The following PCYT1A variants were observed in gnomAD, a reference collection of about 807,000 sequenced individuals.
PCYT1A encodes phosphate cytidylyltransferase 1A, choline.
A neutral mutation model predicts 43.7 loss-of-function variants in PCYT1A; 25 were observed. The ratio of observed to expected loss-of-function variants is 0.57; its 90% CI spans 0.42 to 0.80. PCYT1A has a LOEUF of 0.80. PCYT1A is among the 30% of genes least tolerant of loss of function. The pLI is 0.00. For synonymous variants in PCYT1A, 172 were observed against 170.7 expected (o/e 1.01, Z -0.06); for missense variants, 421 against 474.2 (o/e 0.89, Z 1.04).
rs1724396083 is a variant in PCYT1A, at chr3:196,242,736, G to A, written c.487-96C>T. 1 of 817,754 alleles carries A rather than the reference G, an allele frequency of 1.2e-6. No homozygotes were observed. The allele number at this position is 817,754 out of a possible 1,614,324, so 50.7% of individuals were successfully genotyped here. ...GCCCAGAAAAAGGACAATAGGCAGA[G>A]GCCAGGCCTCAGTGGACTTCATATC... is the stretch of plus-strand genomic sequence containing the variant. On this transcript the variant is annotated intron_variant, in intron 5 of 8. Coordinates refer to ENST00000431016, the MANE Select transcript of PCYT1A (RefSeq NM_001312673.2). This position sits in a 1 kb window ranked among gnomAD's most constrained non-coding sequence, Gnocchi z 4.2.
chr3:196,269,229 A>C (rs544827893), intron 2 of PCYT1A, among the ~76,000 whole-genome samples: 9 of 152,350 alleles, frequency 5.9e-5, no homozygotes, highest in African/African-American at 2.2e-4. Flanking sequence ...CTTATGATCA[A>C]TATCAGCCCT....
At chr3:196,270,030 C>T (rs147159426) in intron 2 of PCYT1A, among the ~76,000 whole-genome samples, 9,479 of 152,142 alleles carry the variant, frequency 0.062, 364 homozygotes, top group Middle Eastern at 0.12. Flanking sequence ...TGCGCCACCA[C>T]GCCCGGCTAA....
intron 1 of PCYT1A, among the ~76,000 whole-genome samples, chr3:196,274,695 A>G (rs1328414175): frequency 6.6e-6 from 1 of 152,222 alleles, no homozygotes; most frequent in Non-Finnish European, 1.5e-5. Flanking sequence ...CGTCTAAACA[A>G]CTGCAACTGT....
At chr3:196,267,900 A>G (rs987226797) in intron 2 of PCYT1A, among the ~76,000 whole-genome samples, 1 of 152,196 alleles carries the variant, frequency 6.6e-6, no homozygotes, top group African/African-American at 2.4e-5. Flanking sequence ...ATTCAGAGCT[A>G]GAAAGTACAG....
At position 196,247,283 on chromosome 3, in the gene PCYT1A, T is replaced by C; in HGVS notation, c.486+84A>G. 1 of 1,443,710 alleles carries C rather than the reference T, an allele frequency of 6.9e-7. No homozygotes were observed. The highest frequency in any genetic ancestry group is 9.6e-7 in the Non-Finnish European group (1 of 1,038,564). 89.4% of individuals were successfully genotyped at this position (1,443,710 alleles called of 1,614,324 possible). A position where few individuals can be genotyped will look rare whatever the true frequency, so the allele number is the denominator to read the frequency against. ...AGAGGTAGAAGTAAAACACGGCTAG[T>C]GGAAAACCAGCCTACGTGCCAGCAG... is the stretch of plus-strand genomic sequence containing the variant. On this transcript the variant is annotated intron_variant, in intron 5 of 8. Transcript: ENST00000431016. This position sits in a 1 kb window ranked among gnomAD's most constrained non-coding sequence, Gnocchi z 4.8.
chr3:196,242,049 A>G lies in PCYT1A; in HGVS notation c.607T>C (p.Ser203Pro). 6.2e-7 allele frequency: 1 copy of G among 1,614,034 alleles called. No individual in the cohort carries two copies. Among genetic ancestry groups the G allele is most frequent in the Non-Finnish European group, 8.5e-7 (1 of 1,179,970 alleles). ...CGCACAATTCGGGTGATGATGTCTGATGTGGAGATACCTTCTGTCCTCTGT... is the reference window on the plus strand; with the variant it reads ...CGCACAATTCGGGTGATGATGTCTGGTGTGGAGATACCTTCTGTCCTCTGT... ...PTQRTEGIST[S>P]DIITRIVRDY... Residue 203 changes from serine (S) to proline (P), a missense_variant, in exon 7 of 9, where the codon TCA (serine) becomes CCA (proline). By Grantham distance (74) the Ser-to-Pro change is moderately conservative (BLOSUM62 -1). Transcript: ENST00000431016. This position sits in a 1 kb window ranked among gnomAD's most constrained non-coding sequence, Gnocchi z 4.2.
chr3:196,249,314 T>C (rs1724674707), intron 3 of PCYT1A, among the ~76,000 whole-genome samples: 1 of 37,420 alleles, frequency 2.7e-5, no homozygotes, highest in African/African-American at 7.0e-5. Context: ...GCCCAGCTAA[T>C]TTTTTTTTTT....
At chr3:196,244,888 G>A (rs1490650750) in intron 5 of PCYT1A, among the ~76,000 whole-genome samples, 1 of 152,062 alleles carries the variant, frequency 6.6e-6, no homozygotes, top group Non-Finnish European at 1.5e-5. Context: ...GATGCTTGAA[G>A]GCAGCATGCT....
chr3:196,283,754 C>T (rs1468540370), intron 1 of PCYT1A, among the ~76,000 whole-genome samples: 1 of 152,178 alleles, frequency 6.6e-6, no homozygotes, highest in Non-Finnish European at 1.5e-5. Context: ...GGTTCAAGGA[C>T]TTAGGGAAAA....
chr3:196,243,882 T>C (rs1724453347), intron 5 of PCYT1A, among the ~76,000 whole-genome samples: 1 of 152,264 alleles, frequency 6.6e-6, no homozygotes, highest in Non-Finnish European at 1.5e-5. Flanking sequence ...CTCGGCTCGC[T>C]ACAACCTCCA....
chr3:196,279,893 G>A (rs1725707870), intron 1 of PCYT1A, among the ~76,000 whole-genome samples: 1 of 144,226 alleles, frequency 6.9e-6, no homozygotes, highest in African/African-American at 2.6e-5. Flanking sequence ...GGAGTACAAT[G>A]GCACGATCTC....
intron 2 of PCYT1A, 61 bp downstream of exon 2, chr3:196,270,354 C>T: frequency 3.1e-6 from 3 of 962,534 alleles, no homozygotes; most frequent in Non-Finnish European, 5.1e-6. Flanking sequence ...ACATGTAACA[C>T]TGATATCATC....
chr3:196,257,961 ATGAGAG>A, intron 2 of PCYT1A, 74 bp from the exon 3 acceptor site: 1 of 826,238 alleles, frequency 1.2e-6, no homozygotes, highest in Non-Finnish European at 2.0e-6. Context: ...AAAAAAAAAG[ATGAGAG>A]AAAGGAGATT....
chr3:196,262,474 TA>T (rs1475368400), intron 2 of PCYT1A, among the ~76,000 whole-genome samples: 1 of 152,210 alleles, frequency 6.6e-6, no homozygotes, highest in Non-Finnish European at 1.5e-5. Context: ...TTCAGCATGC[TA>T]ACAAAATTAA....
At chr3:196,259,683 A>C (rs1725049728) in intron 2 of PCYT1A, among the ~76,000 whole-genome samples, 2 of 151,736 alleles carry the variant, frequency 1.3e-5, no homozygotes, top group Non-Finnish European at 2.9e-5. Flanking sequence ...GTCTCTACAA[A>C]AAAATACAAA....
At chr3:196,243,751 G>T (rs2108763636) in intron 5 of PCYT1A, among the ~76,000 whole-genome samples, 1 of 152,388 alleles carries the variant, frequency 6.6e-6, no homozygotes, top group Non-Finnish European at 1.5e-5. Context: ...GGCCGGGCTG[G>T]TCTCCAGCTC....
At position 196,238,504 on chromosome 3, in the gene PCYT1A, G is replaced by C; in HGVS notation, c.*184C>G. 1 of 439,796 alleles carries C rather than the reference G, an allele frequency of 2.3e-6. No homozygotes were observed. 27.2% of individuals were successfully genotyped at this position (439,796 alleles called of 1,614,324 possible). On this transcript the variant is annotated 3_prime_UTR_variant, in exon 9 of 9. Transcript: ENST00000431016. Reference sequence around the variant, plus strand: ...AGGTGCAGTCCCCCTCCTTCGTGTGGGTGAGTGATGTCACTTGCAGGACAG... The same window carrying C: ...AGGTGCAGTCCCCCTCCTTCGTGTGCGTGAGTGATGTCACTTGCAGGACAG...
chr3:196,253,163 C>G (rs986545652), intron 3 of PCYT1A, among the ~76,000 whole-genome samples: 3 of 151,902 alleles, frequency 2.0e-5, no homozygotes, highest in African/African-American at 4.8e-5. Flanking sequence ...ATGGTGAAAC[C>G]CTGTGTCTAC....
chr3:196,251,998 C>T (rs1253838368), intron 3 of PCYT1A, among the ~76,000 whole-genome samples: 1 of 152,186 alleles, frequency 6.6e-6, no homozygotes, highest in Non-Finnish European at 1.5e-5. Context: ...AAACCTCCAC[C>T]TCCCAGGCTC....
Sources: gnomAD v4.1 joint callset for allele counts (sites outside exome capture counted in the v4.1 genomes callset) on GRCh38, gnomAD v4.1.1 for gene constraint, Gnocchi (gnomAD v3.1) non-coding constraint, MANE v1.5 for transcripts, NCBI Gene and HGNC (gene_info 2026-07-23, HGNC 2026-07-21) for gene names.